Variants in GNAI1 observed in about 807,000 individuals in gnomAD.
GNAI1 encodes the protein guanine nucleotide-binding protein G(i) subunit alpha-1.
A neutral mutation model predicts 38.9 loss-of-function variants in GNAI1; 11 were observed. That is an observed-to-expected ratio of 0.28 (90% CI 0.18 to 0.47). GNAI1 has a LOEUF of 0.47. Ranked by LOEUF, GNAI1 falls within the 20% of genes least tolerant of loss-of-function variation. The pLI, the probability that GNAI1 is intolerant of heterozygous loss-of-function variation, is 0.99. For missense variants in GNAI1, 317 were observed against 436.9 expected (o/e 0.73, Z 2.45); for synonymous variants, 166 against 145.1 (o/e 1.14, Z -1.04).
chr7:80,168,696 T>A (rs903871498), intron 1 of GNAI1, among the ~76,000 whole-genome samples: 3 of 152,184 alleles, frequency 2.0e-5, no homozygotes, highest in African/African-American at 7.2e-5. Context: ...TATTTTTAAG[T>A]GTACAGTTCA....
At chr7:80,149,722 C>G (rs1392223223) in intron 1 of GNAI1, among the ~76,000 whole-genome samples, 2 of 151,956 alleles carry the variant, frequency 1.3e-5, no homozygotes, top group South Asian at 2.1e-4. Flanking sequence ...TATTTTTTCA[C>G]CTAGATAGAT....
chr7:80,212,996 T>C, intron 7 of GNAI1, 127 bp downstream of exon 7: 1 of 607,226 alleles, frequency 1.6e-6, no homozygotes. Context: ...TAAGGGGTAT[T>C]ATTTATCAAA....
chr7:80,212,762 A>C lies in GNAI1; in HGVS notation c.767A>C (p.Asn256Thr). The C allele has an allele frequency of 6.4e-7, 1 of 1,566,634 alleles. No homozygotes were observed. Among genetic ancestry groups the C allele is most frequent in the Non-Finnish European group, 8.6e-7 (1 of 1,161,070 alleles). Residue 256 changes from asparagine (N) to threonine (T), a missense_variant, in exon 7 of 8, where the codon AAC becomes ACC. Coordinates refer to ENST00000649796, the MANE Select transcript of GNAI1 (RefSeq NM_002069.6). ...SMKLFDSICN[N>T]KWFTDTSIIL... The stretch of plus-strand genomic sequence containing the variant: ...AAATTGTTTGACAGCATATGTAACA[A>C]CAAGTGGTTTACAGATACATCCATT...
chr7:80,162,846 C>T (rs931831804), intron 1 of GNAI1, among the ~76,000 whole-genome samples: 6 of 152,106 alleles, frequency 3.9e-5, no homozygotes, highest in Admixed American at 3.9e-4. Context: ...GTTGAGGTGG[C>T]CTTCAGTGAA....
intron 1 of GNAI1, among the ~76,000 whole-genome samples, chr7:80,186,179 C>A (rs1339134385): frequency 6.6e-6 from 1 of 151,878 alleles, no homozygotes; most frequent in Non-Finnish European, 1.5e-5. Context: ...TCTATAGGCA[C>A]CTACCACCAC....
chr7:80,156,060 A>G (rs185724064), intron 1 of GNAI1, among the ~76,000 whole-genome samples: 1,738 of 150,824 alleles, frequency 0.012, 31 homozygotes, highest in African/African-American at 0.038. Flanking sequence ...AAAAAAAAAA[A>G]AAAGAAAGAA....
intron 1 of GNAI1, among the ~76,000 whole-genome samples, chr7:80,169,468 T>G (rs1788066137): frequency 6.6e-6 from 1 of 152,206 alleles, no homozygotes; most frequent in South Asian, 2.1e-4. Context: ...CAGCAAATTG[T>G]GTATTCAGAA....
rs1231141160 is a variant in GNAI1 at position 80,217,406 on chromosome 7, C to T, written c.978C>T (p.Ala326=). ...TKEIYTHFTC[A]TDTKNVQFVF... ...AAATATACACCCACTTCACATGTGC[C>T]ACAGATACTAAGAATGTGCAGTTTG... The change falls in exon 8 of 8, where the codon GCC becomes GCT. Residue 326 remains alanine (A), a synonymous_variant. Transcript: ENST00000649796. The T allele has an allele frequency of 6.2e-7, 1 of 1,606,524 alleles. No individual in the cohort carries two copies. Among genetic ancestry groups the T allele is most frequent in the East Asian group, 2.2e-5 (1 of 44,694 alleles).
chr7:80,203,618 A>G (rs1354764009), intron 4 of GNAI1, 86 bp from the exon 5 acceptor site: 1 of 785,338 alleles, frequency 1.3e-6, no homozygotes, highest in East Asian at 2.7e-5. Flanking sequence ...TATCGCTTGT[A>G]TTGAAATGTG....
chr7:80,171,537 TA>T (rs1339756064), intron 1 of GNAI1, among the ~76,000 whole-genome samples: 1 of 152,340 alleles, frequency 6.6e-6, no homozygotes, highest in East Asian at 1.9e-4. Flanking sequence ...TATTGATGTT[TA>T]TTTTAATTTA....
At chr7:80,200,889 CCCACTGAG>C (rs1788675934) in intron 4 of GNAI1, among the ~76,000 whole-genome samples, 1 of 152,140 alleles carries the variant, frequency 6.6e-6, no homozygotes, top group Non-Finnish European at 1.5e-5. Flanking sequence ...TATTCCTTGA[CCCACTGAG>C]TTGGTCCTTG....
chr7:80,218,955 AGGTT>A lies in GNAI1; in HGVS notation c.*1463_*1466del, dbSNP rs1459959963. The A allele has an allele frequency of 2.0e-5, 3 of 152,132 alleles. No individual in the cohort carries two copies. Among genetic ancestry groups the A allele is most frequent in the Admixed American group, 6.6e-5 (1 of 15,216 alleles). The allele number at this position is 152,132 out of a possible 1,614,324, so 9.4% of individuals were successfully genotyped here. On this transcript the variant is annotated 3_prime_UTR_variant, in exon 8 of 8. Transcript: ENST00000649796. ...CTCCTTTTTTTACTCATCTTGGAAA[AGGTT>A]AGTCTTTCAGTACACGTTGCTGGTA...
At position 80,188,872 on chromosome 7, in the gene GNAI1, G is replaced by GTT. The variant is rs920362965; in HGVS notation, c.119-78_119-77insTT. ...AGAGACTGGGTGTGTGTGTGTGTGT[G>GTT]TGTGTTTGTGTGTTGGGAGTTGAAT... On this transcript the variant is annotated intron_variant, in intron 1 of 7. Coordinates refer to ENST00000649796, the MANE Select transcript of GNAI1 (RefSeq NM_002069.6). 56 of 820,000 alleles carry GTT rather than the reference G, an allele frequency of 6.8e-5. No homozygotes were observed. The African/African-American group carries it at 9.0e-4, about 13-fold the overall frequency. The allele number at this position is 820,000 out of a possible 1,614,324, so 50.8% of individuals were successfully genotyped here.
At chr7:80,138,236 A>C (rs1046337593) in intron 1 of GNAI1, among the ~76,000 whole-genome samples, 2 of 152,216 alleles carry the variant, frequency 1.3e-5, no homozygotes, top group African/African-American at 4.8e-5. Flanking sequence ...GTCATTTTAA[A>C]CAGCTGGGCT....
At chr7:80,191,714 G>C (rs1275978542) in intron 3 of GNAI1, among the ~76,000 whole-genome samples, 1 of 152,166 alleles carries the variant, frequency 6.6e-6, no homozygotes, top group Non-Finnish European at 1.5e-5. Flanking sequence ...TTCAAAAGAA[G>C]TCTGAATATA....
intron 7 of GNAI1, among the ~76,000 whole-genome samples, chr7:80,215,343 T>G (rs888939638): frequency 6.6e-6 from 1 of 152,214 alleles, no homozygotes; most frequent in Admixed American, 6.5e-5. Flanking sequence ...AAGCATAGTT[T>G]AATTTAGCAG....
At chr7:80,159,315 G>A (rs1473727453) in intron 1 of GNAI1, among the ~76,000 whole-genome samples, 3 of 152,110 alleles carry the variant, frequency 2.0e-5, no homozygotes, top group Non-Finnish European at 2.9e-5. Flanking sequence ...TCTTAGGCTT[G>A]TACTTTGTTT....
chr7:80,163,102 A>G (rs761231599), intron 1 of GNAI1, among the ~76,000 whole-genome samples: 3 of 152,160 alleles, frequency 2.0e-5, no homozygotes, highest in South Asian at 4.1e-4. Context: ...TCATCTGTCT[A>G]TCTGGGACTT....
At chr7:80,137,317 C>CTTTTTTTTTTT (rs398005254) in intron 1 of GNAI1, among the ~76,000 whole-genome samples, 51 of 53,964 alleles carry the variant, frequency 9.5e-4, no homozygotes, top group African/African-American at 1.1e-3. Flanking sequence ...CTTTTCTTTT[C>CTTTTTTTTTTT]TTTTTTTTTT....
Sources: gnomAD v4.1 joint callset for allele counts (sites outside exome capture counted in the v4.1 genomes callset) on GRCh38, gnomAD v4.1.1 for gene constraint, MANE v1.5 for transcripts, NCBI Gene and HGNC (gene_info 2026-07-23, HGNC 2026-07-21) for gene names.